ZNF37A: variants seen among roughly 807,000 people sequenced by gnomAD.
ZNF37A encodes zinc finger protein 37a (KOX 21).
Under a neutral mutation model 12.3 loss-of-function variants are expected in ZNF37A, and 10 were observed. The observed-to-expected ratio is 0.82, with a 90% CI of 0.50 to 1.38. The LOEUF is 1.38. ZNF37A is among the 40% of genes most tolerant of loss of function. ZNF37A has a pLI of 0.00. For missense variants in ZNF37A, 580 were observed against 651.2 expected (o/e 0.89, Z 1.19); for synonymous variants, 207 against 223.0 (o/e 0.93, Z 0.64).
In ZNF37A at chr10:38,097,583, C is replaced by CAA. The variant is rs71007695; in HGVS notation, c.15+981_15+982dup. Among the ~76,000 whole-genome samples the CAA allele has an allele frequency of 2.9e-3, 179 of 61,938 alleles. 12 individuals are homozygous for CAA. The highest frequency in any genetic ancestry group is 3.5e-3 in the African/African-American group (76 of 21,446). 40.6% of individuals were successfully genotyped at this position (61,938 alleles called of 152,430 possible). A position where few individuals can be genotyped will look rare whatever the true frequency, so the allele number is the denominator to read the frequency against. On this transcript the variant is annotated intron_variant, in intron 5 of 7. Transcript: ENST00000685332. ...TGGGTGACAGAGTGAGACTCTGTCTCAAAAAAAAAAAAAAAAAAAAAAAAA... is the reference window on the plus strand; with the variant it reads ...TGGGTGACAGAGTGAGACTCTGTCTCAAAAAAAAAAAAAAAAAAAAAAAAAAA...
At chr10:38,112,278 A>G (rs575404722) in intron 5 of ZNF37A, among the ~76,000 whole-genome samples, 52 of 152,282 alleles carry the variant, frequency 3.4e-4, no homozygotes, top group African/African-American at 1.2e-3. Flanking sequence ...CACTGAGCAC[A>G]GAGATTAGCC....
At chr10:38,134,298 A>G (rs1233738640) in intron 7 of ZNF37A, among the ~76,000 whole-genome samples, 1 of 152,180 alleles carries the variant, frequency 6.6e-6, no homozygotes, top group Non-Finnish European at 1.5e-5. Context: ...TCAACTCATC[A>G]AAGTCATTCT....
chr10:38,096,500 G>C (rs1190205981), intron 4 of ZNF37A, 74 bp from the exon 5 acceptor site: 3 of 970,274 alleles, frequency 3.1e-6, no homozygotes, highest in African/African-American at 1.6e-5. Context: ...CTCCCTTTCA[G>C]AGATGTTTTG....
chr10:38,117,113 ACACCACCAC>A lies in ZNF37A; in HGVS notation c.239-265_239-257del, dbSNP rs200285037. 24 of 929,226 alleles carry A rather than the reference ACACCACCAC, an allele frequency of 2.6e-5. No homozygotes were observed. In the Admixed American group the frequency reaches 1.1e-3, roughly 41 times the overall value. The allele number at this position is 929,226 out of a possible 1,614,324, so 57.6% of individuals were successfully genotyped here. On this transcript the variant is annotated intron_variant, in intron 7 of 7. Transcript: ENST00000685332. ...GACAGAGCAAGACTCTGTCTCAAAAACACCACCACCACCACCACCAACAACAACCAAGAA... is the reference window on the plus strand; with the variant it reads ...GACAGAGCAAGACTCTGTCTCAAAAACACCACCACCAACAACAACCAAGAA...
Position 38,119,254 on chromosome 10 carries a change from C to A in ZNF37A, c.*417C>A, listed in dbSNP as rs1415615944. ...TAATGAATGTGGGAAAACCTTTCAT[C>A]AGAAGTCAGCTCTAATTGTTCACCA... On this transcript the variant is annotated 3_prime_UTR_variant, in exon 8 of 8. Transcript: ENST00000685332. 1 of 1,047,874 alleles carries A rather than the reference C, an allele frequency of 9.5e-7. No homozygotes were observed. Among genetic ancestry groups the A allele is most frequent in the South Asian group, 3.8e-5 (1 of 25,978 alleles). The allele number at this position is 1,047,874 out of a possible 1,614,324, so 64.9% of individuals were successfully genotyped here.
rs1017806180 is a variant in ZNF37A, at chr10:38,123,282, T to C, written c.*4445T>C. 2.0e-5 allele frequency: 3 copies of C among 152,110 alleles called. No individual in the cohort carries two copies. Among genetic ancestry groups the C allele is most frequent in the Non-Finnish European group, 4.4e-5 (3 of 68,020 alleles). 9.4% of individuals were successfully genotyped at this position (152,110 alleles called of 1,614,324 possible). A position where few individuals can be genotyped will look rare whatever the true frequency, so the allele number is the denominator to read the frequency against. ...ATATCTCATGTACCCCATAAACATA[T>C]ACACCTACTTTGTACCCACAAAAAT... On this transcript the variant is annotated 3_prime_UTR_variant, in exon 8 of 8. Coordinates refer to ENST00000685332, the MANE Select transcript of ZNF37A (RefSeq NM_001324250.3).
chr10:38,129,930 A>G (rs367791408), downstream of ZNF37A, among the ~76,000 whole-genome samples: 8 of 152,352 alleles, frequency 5.3e-5, no homozygotes, highest in East Asian at 7.7e-4. Flanking sequence ...GTACAATTCA[A>G]TGGCATCAAA....
rs2067825737 is a variant in ZNF37A at position 38,104,109 on chromosome 10, C to T, written c.15+7477C>T. ...CAAACCCCTTATCCCCACCCCTGGCCCCATGTGTTTCCTTCCCAGTTTTTA... is the reference window on the plus strand; with the variant it reads ...CAAACCCCTTATCCCCACCCCTGGCTCCATGTGTTTCCTTCCCAGTTTTTA... On this transcript the variant is annotated intron_variant, in intron 5 of 7. Transcript: ENST00000685332. Among the ~76,000 whole-genome samples, 3 of 152,182 alleles carry T rather than the reference C, an allele frequency of 2.0e-5. No homozygotes were observed. The South Asian group carries it at 6.2e-4, about 32-fold the overall frequency.
chr10:38,106,069 A>AG (rs1030347278), intron 5 of ZNF37A, among the ~76,000 whole-genome samples: 7 of 151,904 alleles, frequency 4.6e-5, no homozygotes, highest in Non-Finnish European at 7.4e-5. Context: ...TCATGATCTT[A>AG]GGGGGGGATC....
chr10:38,141,544 C>T (rs914781092), intron 7 of ZNF37A: 1 of 152,142 alleles, frequency 6.6e-6, no homozygotes, highest in African/African-American at 2.4e-5. Flanking sequence ...GACACTAACA[C>T]ATCATGATGA....
chr10:38,102,989 C>T (rs2021650), intron 5 of ZNF37A, among the ~76,000 whole-genome samples: 73,386 of 151,944 alleles, frequency 0.48, 17,887 homozygotes, highest in East Asian at 0.55. Context: ...TCTTTGTCTT[C>T]TGACAATTTA....
chr10:38,112,787 T>C (rs1564932485), intron 5 of ZNF37A, among the ~76,000 whole-genome samples: 1,680 of 59,906 alleles, frequency 0.028, 222 homozygotes, highest in Middle Eastern at 0.039. Flanking sequence ...TTTCTTTTCT[T>C]TTCTTTTCTT....
chr10:38,102,387 T>C (rs574499833), intron 5 of ZNF37A, among the ~76,000 whole-genome samples: 108 of 152,330 alleles, frequency 7.1e-4, no homozygotes, highest in African/African-American at 2.4e-3. Flanking sequence ...CTTGAATTTA[T>C]AACAATCTAG....
At chr10:38,101,031 A>G (rs572185984) in intron 5 of ZNF37A, among the ~76,000 whole-genome samples, 2 of 152,250 alleles carry the variant, frequency 1.3e-5, no homozygotes, top group African/African-American at 4.8e-5. Context: ...CCATCTTTGA[A>G]TCAGGTTATT....
chr10:38,115,864 A>C (rs1448917219), intron 7 of ZNF37A, among the ~76,000 whole-genome samples: 1 of 151,864 alleles, frequency 6.6e-6, no homozygotes, highest in East Asian at 1.9e-4. Flanking sequence ...GCCTGGGCAA[A>C]ATAAGAAGAC....
In ZNF37A at chr10:38,118,567, T is replaced by C. The variant is rs1231320404; in HGVS notation, c.1416T>C (p.Cys472=). The change falls in exon 8 of 8, where the codon TGT becomes TGC. Residue 472 remains cysteine (C), a synonymous_variant. Coordinates refer to ENST00000685332, the MANE Select transcript of ZNF37A (RefSeq NM_001324250.3). ...TGEKPFGCNE[C]GKTFRQKSAL... is the part of the protein sequence containing the mutation. ...AGAAACCTTTTGGATGTAATGAATGTGGGAAAACCTTCCGTCAGAAGTCAG... is the reference window on the plus strand; with the variant it reads ...AGAAACCTTTTGGATGTAATGAATGCGGGAAAACCTTCCGTCAGAAGTCAG... The C allele has an allele frequency of 6.2e-7, 1 of 1,606,006 alleles. No individual in the cohort carries two copies. The highest frequency in any genetic ancestry group is 1.3e-5 in the African/African-American group (1 of 74,498).
chr10:38,098,074 G>T (rs753558239), intron 5 of ZNF37A, among the ~76,000 whole-genome samples: 1 of 152,158 alleles, frequency 6.6e-6, no homozygotes, highest in South Asian at 2.1e-4. Flanking sequence ...ACAATTTGTA[G>T]CCTTTTGTGT....
At chr10:38,137,139 C>T (rs2070117908) in intron 7 of ZNF37A, among the ~76,000 whole-genome samples, 1 of 152,142 alleles carries the variant, frequency 6.6e-6, no homozygotes, top group Non-Finnish European at 1.5e-5. Flanking sequence ...ATCCAGGCTT[C>T]CTTGGGTTTT....
At chr10:38,101,823 C>CTTTT (rs3041908) in intron 5 of ZNF37A, among the ~76,000 whole-genome samples, 3 of 133,158 alleles carry the variant, frequency 2.3e-5, no homozygotes, top group Non-Finnish European at 3.2e-5. Flanking sequence ...TTTTATTTTT[C>CTTTT]TTTTTTTTTT....
Sources: allele counts gnomAD v4.1 joint callset (sites outside exome capture counted in the v4.1 genomes callset), GRCh38; gene constraint gnomAD v4.1.1; transcripts MANE v1.5; gene names NCBI Gene and HGNC (gene_info 2026-07-23, HGNC 2026-07-21).